Variants in ABCA12 observed in about 807,000 individuals in gnomAD.
ABCA12 encodes the protein ATP binding cassette subfamily A member 12, also known as glucosylceramide transporter ABCA12.
A neutral mutation model predicts 293.5 loss-of-function variants in ABCA12; 156 were observed. The ratio of observed to expected loss-of-function variants is 0.53; its 90% CI spans 0.47 to 0.61. ABCA12 has a LOEUF of 0.61. ABCA12 is among the 20% of genes least tolerant of loss of function. ABCA12 has a pLI of 0.00. For missense variants in ABCA12, 2,797 were observed against 3,090.2 expected (o/e 0.91, Z 2.25); for synonymous variants, 1,063 against 1,108.0 (o/e 0.96, Z 0.81).
rs975485375 is a variant in ABCA12, at chr2:214,991,111, T to C, written c.3295-80A>G. On this transcript the variant is annotated intron_variant, in intron 23 of 52. Transcript: ENST00000272895. ...AATTATTCCCTGTATTATGTCAAAA[T>C]GTCATGATAGTCTCTCTGTATATGG... 11 of 1,272,120 alleles carry C rather than the reference T, an allele frequency of 8.6e-6. No individual in the cohort carries two copies. The Admixed American group carries it at 2.0e-4, about 23-fold the overall frequency. 78.8% of individuals were successfully genotyped at this position (1,272,120 alleles called of 1,614,324 possible).
chr2:215,026,681 C>T, intron 10 of ABCA12, 139 bp downstream of exon 10: 1 of 765,536 alleles, frequency 1.3e-6, no homozygotes, highest in Non-Finnish European at 2.4e-6. Flanking sequence ...TATCAAATCA[C>T]CAGACTGAAA....
chr2:215,000,738 T>C lies in ABCA12; in HGVS notation c.3146A>G (p.Gln1049Arg). The change falls in exon 22 of 53, where the codon CAA becomes CGA. Residue 1049 changes from glutamine (Q) to arginine (R), a missense_variant. Coordinates refer to ENST00000272895, the MANE Select transcript of ABCA12 (RefSeq NM_173076.3). ...RNSQEIAVQVQAIPYPCFMKD... is the reference protein window; with the variant it reads ...RNSQEIAVQVRAIPYPCFMKD... The stretch of plus-strand genomic sequence containing the variant: ...CATGAAGCAGGGATAAGGAATTGCT[T>C]GAACCTGGACTGCTATTTCCTGGGA... The C allele has an allele frequency of 6.2e-7, 1 of 1,614,112 alleles. No homozygotes were observed. The highest frequency in any genetic ancestry group is 8.5e-7 in the Non-Finnish European group (1 of 1,179,954).
At chr2:214,970,686 T>A (rs1262973024) in intron 36 of ABCA12, among the ~76,000 whole-genome samples, 1 of 152,172 alleles carries the variant, frequency 6.6e-6, no homozygotes, top group East Asian at 1.9e-4. Flanking sequence ...TCCTTCACTG[T>A]GCTGAGGCTT....
At chr2:215,113,834 T>G (rs1702627948) in intron 1 of ABCA12, among the ~76,000 whole-genome samples, 1 of 152,232 alleles carries the variant, frequency 6.6e-6, no homozygotes, top group Admixed American at 6.5e-5. Flanking sequence ...AAATTATGGA[T>G]ATTTAAAAAT....
intron 50 of ABCA12, among the ~76,000 whole-genome samples, chr2:214,939,105 T>TTAAG (rs1469906488): frequency 1.3e-5 from 2 of 152,196 alleles, no homozygotes; most frequent in Non-Finnish European, 2.9e-5. Flanking sequence ...ATGTTTATGT[T>TTAAG]TAAGTCTTTA....
chr2:215,137,037 C>CA (rs1553551454), intron 1 of ABCA12, among the ~76,000 whole-genome samples: 5 of 148,436 alleles, frequency 3.4e-5, no homozygotes, highest in Non-Finnish European at 1.5e-5. Context: ...TTCTTCTGTG[C>CA]TTTTTTTTTT....
intron 20 of ABCA12, among the ~76,000 whole-genome samples, chr2:215,002,166 T>A (rs1031381850): frequency 6.6e-6 from 1 of 152,216 alleles, no homozygotes; most frequent in Non-Finnish European, 1.5e-5. Context: ...GGAAAGTCTA[T>A]GTAGAATGCA....
intron 43 of ABCA12, 35 bp from the exon 44 acceptor site, chr2:214,954,142 TAA>T: frequency 6.2e-7 from 1 of 1,607,830 alleles, no homozygotes. Flanking sequence ...AACTCAGTGT[TAA>T]GTTTCCAAAA....
At chr2:215,030,800 G>A (rs1177526952) in intron 9 of ABCA12, among the ~76,000 whole-genome samples, 2 of 152,054 alleles carry the variant, frequency 1.3e-5, no homozygotes, top group Non-Finnish European at 2.9e-5. Context: ...AGAACTTCTC[G>A]TTAAATAATA....
At chr2:215,059,973 T>C (rs963710914) in intron 3 of ABCA12, among the ~76,000 whole-genome samples, 1 of 151,994 alleles carries the variant, frequency 6.6e-6, no homozygotes, top group East Asian at 1.9e-4. Context: ...ACCCTATCTG[T>C]TCTCAATGAC....
chr2:215,010,273 G>T, intron 18 of ABCA12, 58 bp downstream of exon 18: 1 of 1,592,396 alleles, frequency 6.3e-7, no homozygotes, highest in South Asian at 1.1e-5. Context: ...TTTGGAAGTT[G>T]ACTACTTTAA....
chr2:215,087,598 A>T (rs776371874), intron 2 of ABCA12, among the ~76,000 whole-genome samples: 16 of 151,986 alleles, frequency 1.1e-4, no homozygotes, highest in Admixed American at 1.3e-4. Context: ...AATTGGCATG[A>T]TTCTTCTTAC....
intron 51 of ABCA12, among the ~76,000 whole-genome samples, chr2:214,935,154 A>G (rs537866474): frequency 1.3e-5 from 2 of 152,288 alleles, no homozygotes; most frequent in East Asian, 1.9e-4. Context: ...CAGTTGCATT[A>G]TATCTGTTAC....
At chr2:215,043,866 T>C (rs1701151108) in intron 7 of ABCA12, among the ~76,000 whole-genome samples, 1 of 152,006 alleles carries the variant, frequency 6.6e-6, no homozygotes, top group African/African-American at 2.4e-5. Flanking sequence ...ACATTATAGA[T>C]TAATTGTGTC....
At chr2:215,079,943 C>T (rs1701905847) in intron 2 of ABCA12, among the ~76,000 whole-genome samples, 1 of 152,130 alleles carries the variant, frequency 6.6e-6, no homozygotes, top group African/African-American at 2.4e-5. Context: ...AGACTAATGG[C>T]TACCATTTAT....
chr2:214,962,461 A>C (rs1699140322), intron 39 of ABCA12: 1 of 152,202 alleles, frequency 6.6e-6, no homozygotes, highest in Admixed American at 6.5e-5. Flanking sequence ...TGCTCAATGA[A>C]TGGCAATGCT....
chr2:215,133,450 C>T (rs1036409182), intron 1 of ABCA12, among the ~76,000 whole-genome samples: 5 of 151,878 alleles, frequency 3.3e-5, no homozygotes, highest in African/African-American at 7.2e-5. Flanking sequence ...TCATAGACTT[C>T]GTCATCTTAA....
chr2:215,009,067 A>G (rs887051878), intron 18 of ABCA12, among the ~76,000 whole-genome samples: 3 of 152,206 alleles, frequency 2.0e-5, no homozygotes, highest in Admixed American at 6.5e-5. Flanking sequence ...AAGACACTGA[A>G]TCAACCTACA....
At chr2:215,061,303 C>T (rs1345768573) in intron 3 of ABCA12, among the ~76,000 whole-genome samples, 1 of 151,968 alleles carries the variant, frequency 6.6e-6, no homozygotes, top group African/African-American at 2.4e-5. Context: ...AGGCTGGTGC[C>T]AGACGCAAAA....
Sources: gnomAD v4.1 joint callset for allele counts (sites outside exome capture counted in the v4.1 genomes callset) on GRCh38, gnomAD v4.1.1 for gene constraint, MANE v1.5 for transcripts, NCBI Gene and HGNC (gene_info 2026-07-23, HGNC 2026-07-21) for gene names.